Variants in ASH1L observed in about 807,000 individuals in gnomAD.
ASH1L encodes the protein histone-lysine N-methyltransferase ASH1L.
ASH1L carries 23 observed loss-of-function variants against 269.0 expected under a neutral mutation model. The ratio of observed to expected loss-of-function variants is 0.09; its 90% CI spans 0.06 to 0.12. The LOEUF (loss-of-function observed/expected upper bound fraction) is 0.12. Ranked by LOEUF, ASH1L falls within the 10% of genes least tolerant of loss-of-function variation. The probability of loss-of-function intolerance (pLI) is 1.00; values close to 1 mark genes in which losing one functional copy is unlikely to be tolerated. For synonymous variants in ASH1L, 1,187 were observed against 1,253.5 expected, an observed-to-expected ratio of 0.95 and a Z score of 1.12; for missense variants, 2,912 against 3,567.8, an observed-to-expected ratio of 0.82 and a Z score of 4.68.
At chr1:155,432,260 G>A (rs1209678332) in intron 5 of ASH1L, among the ~76,000 whole-genome samples, 1 of 152,132 alleles carries the variant, frequency 6.6e-6, no homozygotes, top group Non-Finnish European at 1.5e-5. Flanking sequence ...AATAACAGAT[G>A]AAGCCTATTC....
At chr1:155,495,072 G>A (rs895525175) in intron 2 of ASH1L, among the ~76,000 whole-genome samples, 8 of 152,146 alleles carry the variant, frequency 5.3e-5, no homozygotes, top group Non-Finnish European at 1.2e-4. Flanking sequence ...TGGAGTCACT[G>A]GTAATCATGC....
At chr1:155,391,094 T>C (rs1657893418) in intron 7 of ASH1L, among the ~76,000 whole-genome samples, 3 of 152,060 alleles carry the variant, frequency 2.0e-5, no homozygotes, top group Middle Eastern at 3.4e-3. Flanking sequence ...TACAAGTGCA[T>C]GCCACCACAC....
At chr1:155,435,142 G>A (rs1196666783) in intron 5 of ASH1L, among the ~76,000 whole-genome samples, 1 of 151,976 alleles carries the variant, frequency 6.6e-6, no homozygotes, top group Non-Finnish European at 1.5e-5. Flanking sequence ...TGGGTGACTC[G>A]GTCTCAAAAA....
intron 3 of ASH1L, among the ~76,000 whole-genome samples, chr1:155,462,935 GA>G (rs1341389030): frequency 6.6e-6 from 1 of 152,088 alleles, no homozygotes; most frequent in Non-Finnish European, 1.5e-5. Context: ...GAGGATAACT[GA>G]AAAAACATTA....
At chr1:155,534,042 T>A (rs562428046) in intron 1 of ASH1L, among the ~76,000 whole-genome samples, 1 of 151,534 alleles carries the variant, frequency 6.6e-6, no homozygotes, top group African/African-American at 2.4e-5. Flanking sequence ...TTTAAATTTT[T>A]TTATTATTAT....
At chr1:155,494,203 T>C (rs1268716773) in intron 2 of ASH1L, among the ~76,000 whole-genome samples, 2 of 152,120 alleles carry the variant, frequency 1.3e-5, no homozygotes, top group Non-Finnish European at 2.9e-5. Context: ...TGGATCCATG[T>C]AGGTATGTGG....
intron 4 of ASH1L, among the ~76,000 whole-genome samples, chr1:155,451,559 A>G (rs1663471543): frequency 6.6e-6 from 1 of 152,136 alleles, no homozygotes; most frequent in Non-Finnish European, 1.5e-5. Context: ...CAGGAGTTCA[A>G]GACCAGCCTG....
chr1:155,562,201 G>T lies in ASH1L; in HGVS notation c.-148C>A, dbSNP rs765958996. 6.2e-7 allele frequency: 1 copy of T among 1,608,706 alleles called. No individual in the cohort carries two copies. Among genetic ancestry groups the T allele is most frequent in the Non-Finnish European group, 8.5e-7 (1 of 1,175,596 alleles). ...CCGAGAGCGATGAGAGTGCAGGGAA[G>T]TGGGGAAGAGGGGGTGGCCGCCAGG... is the stretch of plus-strand genomic sequence containing the variant. On this transcript the variant is annotated 5_prime_UTR_variant, in exon 1 of 28. Coordinates refer to ENST00000392403, the MANE Select transcript of ASH1L (RefSeq NM_018489.3).
chr1:155,527,524 G>A (rs1460398498), intron 1 of ASH1L, among the ~76,000 whole-genome samples: 5 of 146,860 alleles, frequency 3.4e-5, no homozygotes, highest in Admixed American at 6.9e-5. Context: ...CTTGACTTAC[G>A]GGATACCTTT....
rs555809511 is a variant in ASH1L at position 155,385,759 on chromosome 1, C to G, written c.6104-5643G>C. Among the ~76,000 whole-genome samples the G allele has an allele frequency of 3.3e-5, 5 of 152,244 alleles. No individual in the cohort carries two copies. The South Asian group carries it at 1.0e-3, about 32-fold the overall frequency. ...CTGGCTTTTTCTGAAACTGCTCCAG[C>G]AGAAAAGGGATAAAGCTGCCTCATT... is the stretch of plus-strand genomic sequence containing the variant. On this transcript the variant is annotated intron_variant, in intron 7 of 27. Coordinates refer to ENST00000392403, the MANE Select transcript of ASH1L (RefSeq NM_018489.3).
At chr1:155,441,454 C>CTTTTT (rs34682576) in intron 4 of ASH1L, among the ~76,000 whole-genome samples, 9 of 73,538 alleles carry the variant, frequency 1.2e-4, no homozygotes, top group South Asian at 8.5e-4. Flanking sequence ...ATAAAGAATC[C>CTTTTT]TTTTTTTTTT....
At chr1:155,482,545 G>T in intron 2 of ASH1L, 96 bp from the exon 3 acceptor site, 2 of 1,294,336 alleles carry the variant, frequency 1.5e-6, no homozygotes, top group Non-Finnish European at 2.1e-6. Context: ...TCACATATCA[G>T]ATAAACAATA....
At chr1:155,417,450 CGTTGT>C (rs1215787578) in intron 5 of ASH1L, among the ~76,000 whole-genome samples, 2 of 152,140 alleles carry the variant, frequency 1.3e-5, no homozygotes, top group Non-Finnish European at 2.9e-5. Flanking sequence ...CTAAACACTA[CGTTGT>C]GCATGTGAAG....
At chr1:155,549,722 G>T (rs1195190878) in intron 1 of ASH1L, among the ~76,000 whole-genome samples, 1 of 151,846 alleles carries the variant, frequency 6.6e-6, no homozygotes, top group Non-Finnish European at 1.5e-5. Context: ...CACATCCACA[G>T]ATTTTGGTAT....
Position 155,354,582 on chromosome 1 carries a change from C to A in ASH1L, c.7104G>T (p.Lys2368Asn). 1.2e-6 allele frequency: 2 copies of A among 1,613,916 alleles called. No individual in the cohort carries two copies. Among genetic ancestry groups the A allele is most frequent in the South Asian group, 2.2e-5 (2 of 91,002 alleles). ...TTACTTCCTCCTGTTTTTGACGAAT[C>A]TTCTCCCAGTTTCGGACCAAGAATA... ...HHVFLVRNWE[K>N]IRQKQEEVKH... The change falls in exon 16 of 28, where the codon AAG becomes AAT. Residue 2368 changes from lysine (K) to asparagine (N), a missense_variant. Lys to Asn is a moderately conservative substitution (Grantham distance 94). Coordinates refer to ENST00000392403, the MANE Select transcript of ASH1L (RefSeq NM_018489.3).
chr1:155,382,387 A>G (rs1406487895), intron 7 of ASH1L, among the ~76,000 whole-genome samples: 4 of 152,014 alleles, frequency 2.6e-5, no homozygotes, highest in Non-Finnish European at 5.9e-5. Flanking sequence ...AGTCCCAGCT[A>G]CTCGGGAGGC....
At chr1:155,493,873 CA>C (rs1014281861) in intron 2 of ASH1L, among the ~76,000 whole-genome samples, 4 of 151,140 alleles carry the variant, frequency 2.6e-5, no homozygotes, top group African/African-American at 4.9e-5. Context: ...GACTCCATCT[CA>C]AAAAAAAATT....
intron 6 of ASH1L, among the ~76,000 whole-genome samples, chr1:155,406,834 A>C (rs568520830): frequency 6.6e-6 from 1 of 152,344 alleles, no homozygotes; most frequent in Admixed American, 6.5e-5. Context: ...AAATATATCT[A>C]CAATTTATAT....
chr1:155,526,403 C>T (rs1199978112), intron 1 of ASH1L, among the ~76,000 whole-genome samples: 1 of 152,132 alleles, frequency 6.6e-6, no homozygotes, highest in Non-Finnish European at 1.5e-5. Context: ...CTAAAATATC[C>T]TAATTTCAGC....
Sources: gnomAD v4.1 joint callset for allele counts (sites outside exome capture counted in the v4.1 genomes callset) on GRCh38, gnomAD v4.1.1 for gene constraint, MANE v1.5 for transcripts, NCBI Gene and HGNC (gene_info 2026-07-23, HGNC 2026-07-21) for gene names.